Variants in KIAA0825 observed in about 807,000 individuals in gnomAD.
KIAA0825 encodes uncharacterized protein KIAA0825.
A neutral mutation model predicts 147.6 loss-of-function variants in KIAA0825; 119 were observed. That is an observed-to-expected ratio of 0.81 (90% confidence interval 0.69 to 0.94). KIAA0825 has a LOEUF of 0.94. Ranked by LOEUF, KIAA0825 falls within the 40% of genes least tolerant of loss-of-function variation. KIAA0825 has a pLI of 0.00. For missense variants in KIAA0825, 1,381 were observed against 1,472.7 expected (o/e 0.94, Z 1.02); for synonymous variants, 470 against 518.1 (o/e 0.91, Z 1.26).
intron 20 of KIAA0825, among the ~76,000 whole-genome samples, chr5:94,182,077 A>T (rs969211437): frequency 2.0e-5 from 3 of 151,720 alleles, no homozygotes; most frequent in African/African-American, 7.3e-5. Context: ...TCCTGCTCGC[A>T]TATCCAGCTC....
At chr5:94,343,014 A>G (rs1433687196) in intron 20 of KIAA0825, among the ~76,000 whole-genome samples, 2 of 152,186 alleles carry the variant, frequency 1.3e-5, no homozygotes, top group Admixed American at 6.5e-5. Context: ...AGTATATCAA[A>G]TACTTAAAAA....
In KIAA0825 at chr5:94,170,500, G is replaced by T. The variant is rs547885098; in HGVS notation, c.3711-16376C>A. Among the ~76,000 whole-genome samples the T allele has an allele frequency of 2.0e-5, 3 of 152,220 alleles. No individual in the cohort carries two copies. The South Asian group carries it at 6.2e-4, about 32-fold the overall frequency. ...TTTATTCCTTTCCTTACTCCTGGGG[G>T]AACTAACGAGAAGTACTGCTTTCTC... On this transcript the variant is annotated intron_variant, in intron 20 of 20. Transcript: ENST00000682413.
At chr5:94,428,509 T>G (rs570351340) in intron 14 of KIAA0825, among the ~76,000 whole-genome samples, 2 of 152,276 alleles carry the variant, frequency 1.3e-5, no homozygotes, top group Non-Finnish European at 2.9e-5. Context: ...TTGTGAAGCT[T>G]AGTTTGGTGG....
At chr5:94,234,379 AT>A (rs1281328355) in intron 20 of KIAA0825, among the ~76,000 whole-genome samples, 3 of 151,190 alleles carry the variant, frequency 2.0e-5, no homozygotes, top group Non-Finnish European at 2.9e-5. Flanking sequence ...TCAAAAAAAA[AT>A]AAAAATAAAA....
At chr5:94,512,034 A>G (rs1766560175) in intron 5 of KIAA0825, among the ~76,000 whole-genome samples, 1 of 152,062 alleles carries the variant, frequency 6.6e-6, no homozygotes, top group Non-Finnish European at 1.5e-5. Context: ...TTGACTTTAT[A>G]AATGTGATGC....
At chr5:94,221,527 C>T (rs1306807981) in intron 20 of KIAA0825, among the ~76,000 whole-genome samples, 1 of 152,120 alleles carries the variant, frequency 6.6e-6, no homozygotes, top group African/African-American at 2.4e-5. Flanking sequence ...CTCACAGGAA[C>T]CTGCTCCAAG....
At chr5:94,567,078 A>T (rs1778840455) in intron 2 of KIAA0825, among the ~76,000 whole-genome samples, 1 of 152,186 alleles carries the variant, frequency 6.6e-6, no homozygotes, top group Admixed American at 6.5e-5. Flanking sequence ...CTTCATCTCT[A>T]TCAAAAGATT....
chr5:94,565,111 T>TTTTTTTTTTTTTTTTTTTTTG (rs1778445093), intron 2 of KIAA0825, among the ~76,000 whole-genome samples: 1 of 141,626 alleles, frequency 7.1e-6, no homozygotes, highest in Non-Finnish European at 1.5e-5. Context: ...TTTTTTTTTT[T>TTTTTTTTTTTTTTTTTTTTTG]TTGGTAGAGA....
intron 20 of KIAA0825, among the ~76,000 whole-genome samples, chr5:94,295,866 G>C (rs558074618): frequency 2.6e-5 from 4 of 152,302 alleles, no homozygotes; most frequent in African/African-American, 7.2e-5. Context: ...GTTTACCCCT[G>C]CTGGGAGATG....
intron 2 of KIAA0825, among the ~76,000 whole-genome samples, chr5:94,547,993 G>T (rs1243225351): frequency 6.6e-6 from 1 of 151,932 alleles, no homozygotes; most frequent in African/African-American, 2.4e-5. Context: ...ATCAACTAAA[G>T]ACCTGACCTA....
At chr5:94,461,728 T>G (rs2150951871) in intron 12 of KIAA0825, among the ~76,000 whole-genome samples, 1 of 152,038 alleles carries the variant, frequency 6.6e-6, no homozygotes, top group Admixed American at 6.6e-5. Flanking sequence ...GAAATAGACA[T>G]ATGTGAAATT....
intron 20 of KIAA0825, among the ~76,000 whole-genome samples, chr5:94,300,830 C>A (rs1374014289): frequency 2.0e-5 from 3 of 152,024 alleles, no homozygotes; most frequent in Non-Finnish European, 2.9e-5. Flanking sequence ...TGACAGGTAG[C>A]CCATTTTAGG....
At chr5:94,551,354 C>T (rs1775507236) in intron 2 of KIAA0825, among the ~76,000 whole-genome samples, 1 of 151,970 alleles carries the variant, frequency 6.6e-6, no homozygotes, top group Non-Finnish European at 1.5e-5. Context: ...CATCCAGATC[C>T]AGGAAGCTCA....
chr5:94,356,390 G>A (rs955354741), intron 20 of KIAA0825, among the ~76,000 whole-genome samples: 1 of 151,758 alleles, frequency 6.6e-6, no homozygotes, highest in South Asian at 2.1e-4. Flanking sequence ...GGCGGATCAC[G>A]AGGTCAGGAG....
Position 94,325,870 on chromosome 5 carries a change from C to T in KIAA0825, c.3710+58498G>A, listed in dbSNP as rs77669853. ...ATCTACATGTGAATACATATTTTGG[C>T]CCTAATTTTCATTACTGCATTTCTT... On this transcript the variant is annotated intron_variant, in intron 20 of 20. Coordinates refer to ENST00000682413, the MANE Select transcript of KIAA0825 (RefSeq NM_001145678.3). Among the ~76,000 whole-genome samples the T allele has an allele frequency of 7.4e-3, 1,125 of 151,908 alleles. 12 individuals are homozygous for T. The highest frequency in any genetic ancestry group is 0.026 in the African/African-American group (1,067 of 41,462).
chr5:94,399,479 C>T (rs562633226), intron 16 of KIAA0825, among the ~76,000 whole-genome samples: 15 of 152,178 alleles, frequency 9.9e-5, no homozygotes, highest in East Asian at 5.8e-4. Context: ...ATTTCATTAA[C>T]GCTTAAGGCA....
intron 20 of KIAA0825, among the ~76,000 whole-genome samples, chr5:94,288,255 A>G (rs946823554): frequency 6.6e-6 from 1 of 152,142 alleles, no homozygotes; most frequent in African/African-American, 2.4e-5. Context: ...TAAGCCCTCA[A>G]GTGTTCACCA....
chr5:94,278,130 G>T (rs1262921668), intron 20 of KIAA0825, among the ~76,000 whole-genome samples: 1 of 152,108 alleles, frequency 6.6e-6, no homozygotes, highest in Non-Finnish European at 1.5e-5. Flanking sequence ...GGGGCAAGTG[G>T]AGGGAGAGCA....
At chr5:94,588,236 A>G (rs1001726299) in intron 1 of KIAA0825, among the ~76,000 whole-genome samples, 9 of 152,218 alleles carry the variant, frequency 5.9e-5, no homozygotes, top group Non-Finnish European at 1.2e-4. Context: ...AAAAGAAACT[A>G]TCATCAGAGT....
Sources: allele counts gnomAD v4.1 joint callset (sites outside exome capture counted in the v4.1 genomes callset), GRCh38; gene constraint gnomAD v4.1.1; transcripts MANE v1.5; gene names NCBI Gene and HGNC (gene_info 2026-07-23, HGNC 2026-07-21).